The following OTOGL variants were observed in gnomAD, a reference collection of about 807,000 sequenced individuals.
The protein encoded by OTOGL is otogelin-like protein.
A neutral mutation model predicts 318.5 loss-of-function variants in OTOGL; 285 were observed. The ratio of observed to expected loss-of-function variants is 0.89; its 90% CI spans 0.81 to 0.99. The LOEUF is 0.99. Among genes scored for constraint, OTOGL ranks in the 50% least tolerant of loss-of-function variants. OTOGL has a pLI of 0.00. For synonymous variants in OTOGL, 987 were observed against 936.5 expected, an observed-to-expected ratio of 1.05 and a Z score of -0.99; for missense variants, 2,899 against 2,845.6, an observed-to-expected ratio of 1.02 and a Z score of -0.43.
At chr12:80,343,509 G>GGTATTTTTTTTTTTTTTTTTTTTTTTTTT in intron 44 of OTOGL, 1 of 35,868 alleles carries the variant, frequency 2.8e-5, no homozygotes. Context: ...TTTTATTCTT[G>GGTATTTTTTTTTTTTTTTTTTTTTTTTTT]TTTTTTTTTT....
Position 80,209,494 on chromosome 12 carries a change from G to A in OTOGL, c.63G>A (p.Leu21=), listed in dbSNP as rs1416546099. Residue 21 remains leucine, a synonymous_variant, in exon 2 of 59, where the codon CTG becomes CTA. Transcript: ENST00000547103. ...GGAGTATATTCTTGCTTCATGTACTGCTGTTTTCATTACAAGGTAAGAACT... is the reference window on the plus strand; with the variant it reads ...GGAGTATATTCTTGCTTCATGTACTACTGTTTTCATTACAAGGTAAGAACT... ...IPWSIFLLHV[L]LFSLQEYICA... is the part of the protein sequence containing the mutation. The A allele has an allele frequency of 2.0e-6, 3 of 1,493,186 alleles. No homozygotes were observed. Among genetic ancestry groups the A allele is most frequent in the African/African-American group, 1.4e-5 (1 of 72,084 alleles). 92.5% of individuals were successfully genotyped at this position (1,493,186 alleles called of 1,614,324 possible).
At chr12:80,352,064 T>C (rs1210350905) in intron 44 of OTOGL, among the ~76,000 whole-genome samples, 7 of 152,226 alleles carry the variant, frequency 4.6e-5, no homozygotes, top group Non-Finnish European at 1.0e-4. Flanking sequence ...TGTTTTCTTT[T>C]CCATCTTTAT....
chr12:80,259,471 C>T (rs888164806), intron 18 of OTOGL, among the ~76,000 whole-genome samples: 4 of 151,738 alleles, frequency 2.6e-5, no homozygotes, highest in Admixed American at 1.3e-4. Context: ...CCTATCAACC[C>T]GTCATCTAGG....
intron 7 of OTOGL, among the ~76,000 whole-genome samples, chr12:80,223,273 GTA>G (rs543619941): frequency 6.6e-6 from 1 of 151,094 alleles, no homozygotes; most frequent in South Asian, 2.1e-4. Context: ...GTATATATAT[GTA>G]TATATATATG....
chr12:80,222,189 T>C lies in OTOGL; in HGVS notation c.433T>C (p.Cys145Arg). 1 of 1,598,276 alleles carries C rather than the reference T, an allele frequency of 6.3e-7. No individual in the cohort carries two copies. Among genetic ancestry groups the C allele is most frequent in the South Asian group, 1.1e-5 (1 of 91,056 alleles). The change falls in exon 7 of 59, where the codon TGT (cysteine) becomes CGT (arginine). Residue 145 changes from cysteine to arginine, a missense_variant. Cys to Arg is a radical substitution (Grantham distance 180). This residue lies in a region of OTOGL where 2,607 missense variants were observed against 2,524.9 expected (regional missense o/e 1.03). Transcript: ENST00000547103. ...DGIYYYFPGN[C>R]SYIFAKDCGD... ...CATCTACTATTACTTCCCAGGAAACTGTTCTTACATTTTTGCAAAGGACTG... is the reference window on the plus strand; with the variant it reads ...CATCTACTATTACTTCCCAGGAAACCGTTCTTACATTTTTGCAAAGGACTG...
intron 6 of OTOGL, among the ~76,000 whole-genome samples, chr12:80,221,851 G>A (rs956536222): frequency 6.6e-6 from 1 of 152,030 alleles, no homozygotes; most frequent in Non-Finnish European, 1.5e-5. Flanking sequence ...GAAAACAAAA[G>A]TTAAGAAACT....
intron 1 of OTOGL, among the ~76,000 whole-genome samples, chr12:80,104,973 G>T (rs755827064): frequency 6.6e-6 from 1 of 152,088 alleles, no homozygotes; most frequent in African/African-American, 2.4e-5. Flanking sequence ...GTGCATGCCT[G>T]TAATCCCAGC....
intron 1 of OTOGL, among the ~76,000 whole-genome samples, chr12:80,204,317 C>T (rs76574540): frequency 0.016 from 2,388 of 152,218 alleles, 73 homozygotes; most frequent in African/African-American, 0.054. Context: ...GATAGGCTAA[C>T]GTTTGACACT....
intron 4 of OTOGL, among the ~76,000 whole-genome samples, chr12:80,216,052 C>T (rs761102931): frequency 3.9e-5 from 6 of 152,058 alleles, no homozygotes; most frequent in Non-Finnish European, 5.9e-5. Flanking sequence ...TGATGGCATG[C>T]GCCTGCAGTC....
chr12:80,155,146 T>A (rs1366137226), intron 1 of OTOGL, among the ~76,000 whole-genome samples: 1 of 152,216 alleles, frequency 6.6e-6, no homozygotes, highest in African/African-American at 2.4e-5. Context: ...TCTTGTTGAG[T>A]TTTAAGAGTT....
chr12:80,336,939 T>A lies in OTOGL; in HGVS notation c.4795T>A (p.Cys1599Ser). 1 of 1,594,302 alleles carries A rather than the reference T, an allele frequency of 6.3e-7. No individual in the cohort carries two copies. Among genetic ancestry groups the A allele is most frequent in the South Asian group, 1.1e-5 (1 of 87,434 alleles). The change falls in exon 42 of 59, where the codon TGT (cysteine) becomes AGT (serine). Residue 1599 changes from cysteine (C) to serine (S), a missense_variant. Around this residue, in one of 3 missense-constraint regions of OTOGL, gnomAD observed 2,607 missense variants for 2,524.9 expected, o/e 1.03. Transcript: ENST00000547103. ...TCCCTCTGGAAGAATCTCTGGACTT[T>A]GTTTTAAGAAGTTAAATGTGACAAC... ...LAPSGRISGL[C>S]FKKLNVTTPI...
Position 80,320,448 on chromosome 12 carries a change from G to A in OTOGL, c.3829G>A (p.Ala1277Thr), listed in dbSNP as rs752301212. 6 of 1,612,900 alleles carry A rather than the reference G, an allele frequency of 3.7e-6. No individual in the cohort carries two copies. Among genetic ancestry groups the A allele is most frequent in the Non-Finnish European group, 5.1e-6 (6 of 1,179,330 alleles). The change falls in exon 34 of 59, where the codon GCT (alanine) becomes ACT (threonine). Residue 1277 changes from alanine (A) to threonine (T), a missense_variant. This residue lies in a region of OTOGL where 2,607 missense variants were observed against 2,524.9 expected (regional missense o/e 1.03). Coordinates refer to ENST00000547103, the MANE Select transcript of OTOGL (RefSeq NM_001378609.3). ...ATTAGCACTTGTTTCCTTGGAATCT[G>A]CTGAAAGGCCAAACTACTTTCTCTA... ...SSLALVSLESAERPNYFLYVH... is the reference protein window; with the variant it reads ...SSLALVSLESTERPNYFLYVH...
At chr12:80,212,238 T>A (rs1877322687) in intron 4 of OTOGL, among the ~76,000 whole-genome samples, 1 of 152,154 alleles carries the variant, frequency 6.6e-6, no homozygotes, top group Admixed American at 6.6e-5. Flanking sequence ...TCAGCTCAGT[T>A]ACCTACTAAT....
intron 1 of OTOGL, among the ~76,000 whole-genome samples, chr12:80,110,723 G>A (rs1869786412): frequency 6.6e-6 from 1 of 152,174 alleles, no homozygotes; most frequent in Non-Finnish European, 1.5e-5. Context: ...ACGTGTGCAT[G>A]TGTCTTTATA....
chr12:80,278,929 T>C, intron 25 of OTOGL, 99 bp from the exon 26 acceptor site: 1 of 1,370,500 alleles, frequency 7.3e-7, no homozygotes, highest in Non-Finnish European at 1.0e-6. Context: ...TATTGACTCA[T>C]GAATTCTCTT....
rs541534710 is a variant in OTOGL, at chr12:80,114,903, A to G, written c.-20+15298A>G. ...TTATATCCTTTCTTCTGCTTGATCA[A>G]TTCAGCTATTGATACTTGTGTATAC... On this transcript the variant is annotated intron_variant, in intron 1 of 58. Transcript: ENST00000547103. 4.6e-5 allele frequency among the ~76,000 whole-genome samples: 7 copies of G among 151,562 alleles called. No individual in the cohort carries two copies. In the South Asian group the frequency reaches 1.5e-3, roughly 32 times the overall value.
chr12:80,124,756 C>G (rs527851114), intron 1 of OTOGL, among the ~76,000 whole-genome samples: 2 of 151,936 alleles, frequency 1.3e-5, no homozygotes, highest in Non-Finnish European at 2.9e-5. Context: ...TCCTTCACAT[C>G]CCTTGTAAGT....
rs577438095 is a variant in OTOGL at position 80,315,265 on chromosome 12, A to G, written c.3634+934A>G. ...AATAATGTAAGGAATTTATTTTGCC[A>G]TCATTGTAGGCAAAAGTCATTCTTA... On this transcript the variant is annotated intron_variant, in intron 32 of 58. Coordinates refer to ENST00000547103, the MANE Select transcript of OTOGL (RefSeq NM_001378609.3). 3.8e-4 allele frequency among the ~76,000 whole-genome samples: 58 copies of G among 152,324 alleles called. 1 individual carries two copies. The South Asian group carries it at 0.011, about 29-fold the overall frequency.
At chr12:80,227,939 T>C (rs1879017026) in intron 7 of OTOGL, among the ~76,000 whole-genome samples, 1 of 152,146 alleles carries the variant, frequency 6.6e-6, no homozygotes, top group Admixed American at 6.6e-5. Flanking sequence ...TTTAACATAG[T>C]ATATATTTTA....
Sources: gnomAD v4.1 joint callset for allele counts (sites outside exome capture counted in the v4.1 genomes callset) on GRCh38, gnomAD v4.1.1 for gene constraint, gnomAD v4.1.1 regional missense constraint, MANE v1.5 for transcripts, NCBI Gene and HGNC (gene_info 2026-07-23, HGNC 2026-07-21) for gene names.